Variants in TSC22D2 observed in about 807,000 individuals in gnomAD.
TSC22D2 encodes the protein TSC22 domain family member 2, also known as TSC22 domain family protein 2.
In TSC22D2, 5 loss-of-function variants were observed where a neutral mutation model predicts 50.1. The ratio of observed to expected loss-of-function variants is 0.10; its 90% CI spans 0.05 to 0.21. TSC22D2 has a LOEUF of 0.21. Ranked by LOEUF, TSC22D2 falls within the 10% of genes least tolerant of loss-of-function variation. TSC22D2 has a pLI of 1.00. For missense variants in TSC22D2, 1,003 were observed against 1,015.5 expected, an observed-to-expected ratio of 0.99 and a Z score of 0.17; for synonymous variants, 501 against 450.1, an observed-to-expected ratio of 1.11 and a Z score of -1.43.
At chr3:150,458,254 A>G in intron 2 of TSC22D2, 122 bp from the exon 3 acceptor site, 1 of 1,046,862 alleles carries the variant, frequency 9.6e-7, no homozygotes, top group Non-Finnish European at 1.4e-6. Context: ...AAGATAAAGC[A>G]GAAACATTAA....
At chr3:150,420,173 C>G (rs73165707) in intron 1 of TSC22D2, among the ~76,000 whole-genome samples, 20,547 of 152,142 alleles carry the variant, frequency 0.14, 1,800 homozygotes, top group East Asian at 0.34. Context: ...CTCTGATGAT[C>G]AAGCCTTTCA....
rs1721428882 is a variant in TSC22D2, at chr3:150,461,938, G to C, written c.*3302G>C. ...AGAACCAGAAATAGCTAATTGTCTG[G>C]AAACAATTTTTAAGATTTGAAGTCA... On this transcript the variant is annotated 3_prime_UTR_variant, in exon 3 of 3. Transcript: ENST00000688009. The C allele has an allele frequency of 6.6e-6, 1 of 151,806 alleles. No individual in the cohort carries two copies. Among genetic ancestry groups the C allele is most frequent in the African/African-American group, 2.4e-5 (1 of 41,304 alleles). 9.4% of individuals were successfully genotyped at this position (151,806 alleles called of 1,614,324 possible).
chr3:150,442,751 G>A (rs1720759031), intron 1 of TSC22D2, among the ~76,000 whole-genome samples: 1 of 152,080 alleles, frequency 6.6e-6, no homozygotes, highest in Non-Finnish European at 1.5e-5. Context: ...ATTGCTTCAG[G>A]CCAGGAGTTT....
At chr3:150,440,050 A>G (rs1299961566) in intron 1 of TSC22D2, among the ~76,000 whole-genome samples, 9 of 152,222 alleles carry the variant, frequency 5.9e-5, no homozygotes, top group Non-Finnish European at 1.5e-5. Context: ...ACAAAGTCAT[A>G]TATTAATAGA....
rs1721309844 is a variant in TSC22D2, at chr3:150,459,569, G to GTTTTTTTTT, written c.*935_*936insTTTTTTTTT. The GTTTTTTTTT allele has an allele frequency of 2.3e-5, 2 of 86,048 alleles. No homozygotes were observed. The highest frequency in any genetic ancestry group is 4.5e-5 in the African/African-American group (1 of 22,302). 5.3% of individuals were successfully genotyped at this position (86,048 alleles called of 1,614,324 possible). On this transcript the variant is annotated 3_prime_UTR_variant, in exon 3 of 3. Coordinates refer to ENST00000688009, the MANE Select transcript of TSC22D2 (RefSeq NM_001303264.2). ...GTGTAATGGAGTTTGGTTTTTTTTTGTTGTTTTTTTTTTTTTGTCTTTTTT... is the reference window on the plus strand; with the variant it reads ...GTGTAATGGAGTTTGGTTTTTTTTTGTTTTTTTTTTTGTTTTTTTTTTTTTGTCTTTTTT...
chr3:150,443,587 A>G (rs1221933763), intron 1 of TSC22D2, among the ~76,000 whole-genome samples: 1 of 152,220 alleles, frequency 6.6e-6, no homozygotes, highest in Non-Finnish European at 1.5e-5. Context: ...ATAAATGTGA[A>G]TGACTTCAGA....
chr3:150,452,276 T>A (rs1335562191), intron 1 of TSC22D2, among the ~76,000 whole-genome samples: 2 of 151,966 alleles, frequency 1.3e-5, no homozygotes, highest in Non-Finnish European at 2.9e-5. Context: ...AGAAACCCCG[T>A]CTCCACTAAA....
At chr3:150,424,334 G>A (rs534698978) in intron 1 of TSC22D2, among the ~76,000 whole-genome samples, 1 of 152,210 alleles carries the variant, frequency 6.6e-6, no homozygotes, top group African/African-American at 2.4e-5. Context: ...GTACTTTGGG[G>A]TATGCTTTAT....
chr3:150,412,075 A>G (rs960817645), intron 1 of TSC22D2, among the ~76,000 whole-genome samples: 1 of 152,186 alleles, frequency 6.6e-6, no homozygotes, highest in African/African-American at 2.4e-5. Context: ...AATGTTAATA[A>G]TTGGCTCCCT....
chr3:150,411,870 G>T (rs77286893), intron 1 of TSC22D2, among the ~76,000 whole-genome samples: 3 of 152,160 alleles, frequency 2.0e-5, no homozygotes, highest in African/African-American at 7.2e-5. Context: ...ATTAAAGGAG[G>T]TACAAGGTCA....
At chr3:150,443,646 T>C (rs188407201) in intron 1 of TSC22D2, among the ~76,000 whole-genome samples, 20 of 152,350 alleles carry the variant, frequency 1.3e-4, no homozygotes, top group Non-Finnish European at 2.6e-4. Flanking sequence ...TGAGTCATGC[T>C]TAAAGGCATG....
intron 1 of TSC22D2, among the ~76,000 whole-genome samples, chr3:150,415,683 C>G (rs1027658979): frequency 3.3e-5 from 5 of 152,066 alleles, no homozygotes; most frequent in African/African-American, 1.2e-4. Context: ...GGTCTGGAGG[C>G]CAACACCTAT....
At chr3:150,415,975 C>T (rs1164091989) in intron 1 of TSC22D2, among the ~76,000 whole-genome samples, 1 of 152,140 alleles carries the variant, frequency 6.6e-6, no homozygotes, top group African/African-American at 2.4e-5. Context: ...CCCCACCAAT[C>T]AAGTAGTAGA....
chr3:150,459,566 T>G lies in TSC22D2; in HGVS notation c.*930T>G, dbSNP rs541544246. ...GCTGTGTAATGGAGTTTGGTTTTTT[T>G]TTGTTGTTTTTTTTTTTTTGTCTTT... On this transcript the variant is annotated 3_prime_UTR_variant, in exon 3 of 3. Coordinates refer to ENST00000688009, the MANE Select transcript of TSC22D2 (RefSeq NM_001303264.2). The G allele has an allele frequency of 6.0e-5, 8 of 133,374 alleles. No homozygotes were observed. Among genetic ancestry groups the G allele is most frequent in the East Asian group, 2.1e-4 (1 of 4,740 alleles). 8.3% of individuals were successfully genotyped at this position (133,374 alleles called of 1,614,324 possible). A position where few individuals can be genotyped will look rare whatever the true frequency, so the allele number is the denominator to read the frequency against.
chr3:150,409,228 G>T lies in TSC22D2; in HGVS notation c.-123G>T. The T allele has an allele frequency of 8.8e-7, 1 of 1,130,492 alleles. No individual in the cohort carries two copies. Among genetic ancestry groups the T allele is most frequent in the Non-Finnish European group, 1.2e-6 (1 of 820,632 alleles). 70.0% of individuals were successfully genotyped at this position (1,130,492 alleles called of 1,614,324 possible). On this transcript the variant is annotated 5_prime_UTR_variant, in exon 1 of 3. Transcript: ENST00000688009. This position sits in a 1 kb window ranked among gnomAD's most constrained non-coding sequence, Gnocchi z 7.4. ...GATCAGCCCGTGACTCTTAACAGCG[G>T]CGGGCCTCAGACCCCAGCGCAGACT...
At chr3:150,428,493 C>G (rs1384100471) in intron 1 of TSC22D2, among the ~76,000 whole-genome samples, 1 of 151,032 alleles carries the variant, frequency 6.6e-6, no homozygotes, top group African/African-American at 2.4e-5. Context: ...TTGTGAATGA[C>G]AGCATTTATA....
intron 1 of TSC22D2, 133 bp from the exon 2 acceptor site, chr3:150,456,943 C>T: frequency 1.3e-6 from 1 of 742,270 alleles, no homozygotes. Flanking sequence ...CTGAAATTGT[C>T]AGAACAGAAT....
chr3:150,438,841 A>G (rs186022833), intron 1 of TSC22D2, among the ~76,000 whole-genome samples: 25 of 152,266 alleles, frequency 1.6e-4, no homozygotes, highest in Admixed American at 2.6e-4. Flanking sequence ...AATTTTTTCA[A>G]TTCTTACATT....
At position 150,409,111 on chromosome 3, in the gene TSC22D2, C is replaced by T; in HGVS notation, c.-240C>T. The stretch of plus-strand genomic sequence containing the variant: ...GCGAGAGCTAAAAAGGAAGGAGGAG[C>T]CGCCGCGGGACTGAGACGGGGGCAG... On this transcript the variant is annotated 5_prime_UTR_variant, in exon 1 of 3. Transcript: ENST00000688009. This position sits in a 1 kb window ranked among gnomAD's most constrained non-coding sequence, Gnocchi z 7.4. The T allele has an allele frequency of 2.4e-6, 1 of 411,902 alleles. No homozygotes were observed. Among genetic ancestry groups the T allele is most frequent in the South Asian group, 6.2e-5 (1 of 16,172 alleles). The allele number at this position is 411,902 out of a possible 1,614,324, so 25.5% of individuals were successfully genotyped here.
Sources: allele counts gnomAD v4.1 joint callset (sites outside exome capture counted in the v4.1 genomes callset), GRCh38; gene constraint gnomAD v4.1.1; non-coding constraint Gnocchi (gnomAD v3.1); transcripts MANE v1.5; gene names NCBI Gene and HGNC (gene_info 2026-07-23, HGNC 2026-07-21).